Variants in HSDL2 observed in about 807,000 individuals in gnomAD.
HSDL2 encodes the protein hydroxysteroid dehydrogenase-like protein 2.
Under a neutral mutation model 46.3 loss-of-function variants are expected in HSDL2, and 27 were observed. The ratio of observed to expected loss-of-function variants is 0.58; its 90% confidence interval spans 0.43 to 0.80. HSDL2 has a LOEUF of 0.80. Ranked by LOEUF, HSDL2 falls within the 30% of genes least tolerant of loss-of-function variation. The pLI is 0.00. For missense variants in HSDL2, 451 were observed against 502.7 expected (o/e 0.90, Z 0.98); for synonymous variants, 153 against 163.6 (o/e 0.94, Z 0.50).
intron 6 of HSDL2, among the ~76,000 whole-genome samples, chr9:112,427,216 G>C (rs1269246602): frequency 6.6e-6 from 1 of 152,060 alleles, no homozygotes; most frequent in Admixed American, 6.5e-5. Context: ...CGCTGTGCCC[G>C]GCTAATTTTT....
chr9:112,380,512 G>A (rs1831060335), intron 1 of HSDL2, among the ~76,000 whole-genome samples: 1 of 152,204 alleles, frequency 6.6e-6, no homozygotes, highest in Admixed American at 6.5e-5. Flanking sequence ...ATGCGTGTGA[G>A]TTCTAGGTGA....
intron 9 of HSDL2, among the ~76,000 whole-genome samples, chr9:112,458,886 C>T (rs1315723568): frequency 1.3e-5 from 2 of 151,698 alleles, no homozygotes; most frequent in Admixed American, 6.6e-5. Context: ...GAGGCTGAGG[C>T]AGGAGAATAG....
intron 1 of HSDL2, among the ~76,000 whole-genome samples, chr9:112,382,384 G>A (rs573191574): frequency 2.0e-4 from 31 of 152,262 alleles, no homozygotes; most frequent in Middle Eastern, 6.8e-3. Flanking sequence ...TTGGCTAACC[G>A]CAAAATAGTT....
intron 1 of HSDL2, among the ~76,000 whole-genome samples, chr9:112,403,719 T>G (rs78211624): frequency 0.011 from 1,742 of 152,226 alleles, 76 homozygotes; most frequent in East Asian, 0.1. Context: ...GTTTTATAAT[T>G]CTTTATTTCT....
At chr9:112,385,442 C>G (rs1206883373) in intron 1 of HSDL2, among the ~76,000 whole-genome samples, 1 of 151,598 alleles carries the variant, frequency 6.6e-6, no homozygotes, top group Non-Finnish European at 1.5e-5. Flanking sequence ...GATTCTCCTG[C>G]CTCAGCGTCC....
chr9:112,409,079 C>T (rs1831801409), intron 4 of HSDL2, 58 bp downstream of exon 4: 6 of 969,566 alleles, frequency 6.2e-6, no homozygotes, highest in Admixed American at 1.8e-5. Context: ...AGGGAACTTA[C>T]ATAGTTGTAA....
At chr9:112,430,891 A>G (rs1832373562) in intron 6 of HSDL2, among the ~76,000 whole-genome samples, 1 of 151,826 alleles carries the variant, frequency 6.6e-6, no homozygotes, top group Non-Finnish European at 1.5e-5. Context: ...CATCTGTACT[A>G]AAAACAAAAA....
rs1366185821 is a variant in HSDL2, at chr9:112,441,744, C to G, written c.839C>G (p.Ala280Gly). The G allele has an allele frequency of 1.9e-6, 3 of 1,611,456 alleles. No individual in the cohort carries two copies. The African/African-American group carries it at 4.0e-5, about 22-fold the overall frequency. ...PDFFLDEYPE[A>G]VSKKVESTGA... ...TTCTTCTTAGATGAATACCCAGAAG[C>G]AGTTAGCAAGAAAGTGGAATCAACT... The change falls in exon 8 of 11, where the codon GCA becomes GGA. Residue 280 changes from alanine to glycine, a missense_variant. Ala to Gly is a moderately conservative substitution (Grantham distance 60). Coordinates refer to ENST00000398805, the MANE Select transcript of HSDL2 (RefSeq NM_032303.5).
chr9:112,439,975 C>T (rs534645291), intron 7 of HSDL2, among the ~76,000 whole-genome samples: 1 of 152,190 alleles, frequency 6.6e-6, no homozygotes, highest in Non-Finnish European at 1.5e-5. Flanking sequence ...GTGTTTGGCA[C>T]AGTGCCCAGC....
intron 4 of HSDL2, among the ~76,000 whole-genome samples, chr9:112,409,659 G>A (rs960860467): frequency 1.3e-5 from 2 of 152,016 alleles, no homozygotes; most frequent in East Asian, 1.9e-4. Flanking sequence ...ATGGCAAGAC[G>A]CTGTCTCTAC....
At chr9:112,413,485 C>T (rs1006280364) in intron 4 of HSDL2, among the ~76,000 whole-genome samples, 2 of 92,378 alleles carry the variant, frequency 2.2e-5, no homozygotes, top group African/African-American at 7.8e-5. Flanking sequence ...AATTCCCTCT[C>T]AAAAAAAAAG....
intron 10 of HSDL2, among the ~76,000 whole-genome samples, chr9:112,468,287 A>T (rs973460533): frequency 6.6e-6 from 1 of 152,030 alleles, no homozygotes; most frequent in Non-Finnish European, 1.5e-5. Context: ...AAAAGTTCTT[A>T]TATTATTTCT....
intron 4 of HSDL2, among the ~76,000 whole-genome samples, chr9:112,416,588 TAAAA>T (rs35674008): frequency 7.4e-6 from 1 of 134,244 alleles, no homozygotes; most frequent in African/African-American, 2.9e-5. Flanking sequence ...ACCCTGTCTC[TAAAA>T]AAAAAAAAAA....
chr9:112,414,126 C>T (rs1215497946), intron 4 of HSDL2: 1 of 156,374 alleles, frequency 6.4e-6, no homozygotes, highest in African/African-American at 2.4e-5. Flanking sequence ...AATATTTAGG[C>T]TAAATTGTGG....
chr9:112,454,793 C>T (rs138100375), intron 9 of HSDL2, among the ~76,000 whole-genome samples: 1 of 151,846 alleles, frequency 6.6e-6, no homozygotes, highest in Non-Finnish European at 1.5e-5. Context: ...GCAACCTCTG[C>T]CTCCTGGGTT....
chr9:112,412,656 T>C (rs1202346289), intron 4 of HSDL2, among the ~76,000 whole-genome samples: 1 of 152,252 alleles, frequency 6.6e-6, no homozygotes, highest in East Asian at 1.9e-4. Context: ...GATGTGTACA[T>C]AAATGTATAA....
rs185728722 is a variant in HSDL2, at chr9:112,391,381, G to A, written c.17+11201G>A. On this transcript the variant is annotated intron_variant, in intron 1 of 10. Coordinates refer to ENST00000398805, the MANE Select transcript of HSDL2 (RefSeq NM_032303.5). ...CCAGGTACTTGGGAGGCTGAGACAG[G>A]AGAATTGTGATCCCAGGAATAGGAG... is the stretch of plus-strand genomic sequence containing the variant. Among the ~76,000 whole-genome samples the A allele has an allele frequency of 1.7e-4, 26 of 152,088 alleles. No homozygotes were observed. In the East Asian group the frequency reaches 5.0e-3, roughly 29 times the overall value.
intron 10 of HSDL2, chr9:112,469,618 T>A (rs1260971106): frequency 1.5e-5 from 2 of 130,688 alleles, no homozygotes; most frequent in Non-Finnish European, 3.1e-5. Flanking sequence ...AGCCATGTAC[T>A]CCACTGTACA....
At chr9:112,431,075 T>TA (rs1347240735) in intron 6 of HSDL2, among the ~76,000 whole-genome samples, 2 of 141,664 alleles carry the variant, frequency 1.4e-5, no homozygotes, top group Non-Finnish European at 3.1e-5. Flanking sequence ...AAAAAAAATT[T>TA]AAAAAAAATA....
Sources: gnomAD v4.1 joint callset for allele counts (sites outside exome capture counted in the v4.1 genomes callset) on GRCh38, gnomAD v4.1.1 for gene constraint, MANE v1.5 for transcripts, NCBI Gene and HGNC (gene_info 2026-07-23, HGNC 2026-07-21) for gene names.